The following DRC11L variants were observed in gnomAD, a reference collection of about 807,000 sequenced individuals.
The protein encoded by DRC11L is dynein regulatory complex subunit like-11.
At chr7:151,195,373 C>G in the DRC11L span, 2 of 398,946 alleles carry the variant, frequency 5.0e-6, no homozygotes, top group Non-Finnish European at 8.8e-6. Context: ...GGTCCCTGGA[C>G]TGGGACTTAC....
the DRC11L span, among the ~76,000 whole-genome samples, chr7:151,199,992 C>T: frequency 2.0e-5 from 3 of 152,250 alleles, no homozygotes; most frequent in East Asian, 1.9e-4. The surrounding 1 kb of genome is among the most constrained non-coding windows in gnomAD (Gnocchi z 5.2). Flanking sequence ...AACACAGCCC[C>T]TGGTGTCTCC....
chr7:151,199,488 G>A, the DRC11L span, among the ~76,000 whole-genome samples: 46 of 152,250 alleles, frequency 3.0e-4, 1 homozygote, highest in African/African-American at 1.0e-3. This position sits in a 1 kb window ranked among gnomAD's most constrained non-coding sequence, Gnocchi z 5.2. Context: ...TGCCGTGCAC[G>A]GACCCCTCCC....
At chr7:151,193,785 C>T in the DRC11L span, among the ~76,000 whole-genome samples, 1 of 151,950 alleles carries the variant, frequency 6.6e-6, no homozygotes, top group African/African-American at 2.4e-5. Context: ...ATTCCATCTG[C>T]TTCCACTCCT....
the DRC11L span, chr7:151,204,922 C>T: frequency 2.5e-6 from 1 of 398,626 alleles, no homozygotes; most frequent in Non-Finnish European, 4.4e-6. Context: ...GGAGTGTGGG[C>T]TCGGGGTACC....
At chr7:151,201,845 G>C in the DRC11L span, among the ~76,000 whole-genome samples, 2 of 152,192 alleles carry the variant, frequency 1.3e-5, no homozygotes, top group East Asian at 3.9e-4. The surrounding 1 kb of genome is among the most constrained non-coding windows in gnomAD (Gnocchi z 4.1). Flanking sequence ...ACAGAAAGTG[G>C]TCTGTTCCTG....
chr7:151,205,371 C>A, the DRC11L span: 1 of 399,186 alleles, frequency 2.5e-6, no homozygotes, highest in East Asian at 3.6e-5. Flanking sequence ...CTGCCCCTGC[C>A]TCTCAGGACT....
the DRC11L span, chr7:151,203,192 G>A: frequency 2.5e-6 from 1 of 398,486 alleles, no homozygotes; most frequent in African/African-American, 2.1e-5. Flanking sequence ...GATGCACCAG[G>A]ACACCATCCT....
chr7:151,205,317 G>GGCA, the DRC11L span: 1 of 398,258 alleles, frequency 2.5e-6, no homozygotes, highest in East Asian at 3.6e-5. Context: ...AAGCTGCCAG[G>GGCA]GCAGCAGCAG....
chr7:151,193,380 C>T, the DRC11L span: 9 of 399,602 alleles, frequency 2.3e-5, no homozygotes, highest in East Asian at 1.1e-4. Flanking sequence ...AACAGGTTGG[C>T]GCCAGTTTCT....
chr7:151,204,671 G>C, the DRC11L span: 1 of 399,010 alleles, frequency 2.5e-6, no homozygotes, highest in Non-Finnish European at 4.4e-6. Flanking sequence ...GGTCATAGAC[G>C]GTGTCGAAGC....
the DRC11L span, among the ~76,000 whole-genome samples, chr7:151,199,899 C>G: frequency 6.6e-5 from 10 of 152,348 alleles, 1 homozygote; most frequent in South Asian, 1.9e-3. This position sits in a 1 kb window ranked among gnomAD's most constrained non-coding sequence, Gnocchi z 5.2. Flanking sequence ...AGGAGCCAGG[C>G]CTACTCACTT....
the DRC11L span, chr7:151,200,376 A>G: frequency 4.0e-5 from 16 of 399,050 alleles, no homozygotes; most frequent in Non-Finnish European, 6.6e-5. Flanking sequence ...GGGCAGGTTG[A>G]GCTCACCATG....
At chr7:151,197,779 C>T in the DRC11L span, 4 of 398,384 alleles carry the variant, frequency 1.0e-5, no homozygotes, top group Non-Finnish European at 1.8e-5. Context: ...CCTCAGGCTC[C>T]ACCTGCCACA....
chr7:151,197,962 A>G, the DRC11L span: 2 of 396,026 alleles, frequency 5.1e-6, no homozygotes, highest in Non-Finnish European at 8.9e-6. Context: ...GGACAAATGG[A>G]TGGATGGATA....
At chr7:151,196,421 A>T in the DRC11L span, 2 of 398,940 alleles carry the variant, frequency 5.0e-6, no homozygotes, top group African/African-American at 4.1e-5. Context: ...GGTGGCCTGC[A>T]GGGAAGCCCT....
the DRC11L span, chr7:151,204,677 GA>G: frequency 1.1e-4 from 45 of 398,860 alleles, no homozygotes; most frequent in Admixed American, 9.7e-4. Flanking sequence ...AGACGGTGTC[GA>G]AGCGGCGCAG....
chr7:151,203,145 C>T, the DRC11L span: 1 of 399,084 alleles, frequency 2.5e-6, no homozygotes, highest in Non-Finnish European at 4.4e-6. Context: ...GGAGAGCTTG[C>T]ATCCAGGGTG....
chr7:151,205,180 C>T, the DRC11L span, among the ~76,000 whole-genome samples: 3 of 151,862 alleles, frequency 2.0e-5, no homozygotes, highest in African/African-American at 7.3e-5. Flanking sequence ...GGGCAGCCCA[C>T]GGATGCTGCA....
the DRC11L span, among the ~76,000 whole-genome samples, chr7:151,197,492 C>G: frequency 6.6e-6 from 1 of 152,148 alleles, no homozygotes; most frequent in Non-Finnish European, 1.5e-5. Flanking sequence ...GTCGGGACAG[C>G]TGAGCATGCA....
Sources: allele counts gnomAD v4.1 joint callset (sites outside exome capture counted in the v4.1 genomes callset), GRCh38; gene constraint gnomAD v4.1.1; non-coding constraint Gnocchi (gnomAD v3.1); transcripts MANE v1.5; gene names NCBI Gene and HGNC (gene_info 2026-07-23, HGNC 2026-07-21).